Variants in TMCC1 observed in about 807,000 individuals in gnomAD.
TMCC1 encodes the protein transmembrane and coiled-coil domains protein 1.
A neutral mutation model predicts 52.4 loss-of-function variants in TMCC1; 15 were observed. The observed-to-expected ratio is 0.29, with a 90% CI of 0.19 to 0.44. The LOEUF (loss-of-function observed/expected upper bound fraction) is 0.44, where lower values mean the gene tolerates loss of function less well. TMCC1 is among the 20% of genes least tolerant of loss of function. The probability of loss-of-function intolerance (pLI) is 1.00; values close to 1 mark genes in which losing one functional copy is unlikely to be tolerated. For synonymous variants in TMCC1, 279 were observed against 301.9 expected (o/e 0.92, Z 0.79); for missense variants, 503 against 806.0 (o/e 0.62, Z 4.55).
Position 129,712,001 on chromosome 3 carries a change from C to CAAAAAA in TMCC1, c.577-40743_577-40738dup, listed in dbSNP as rs71155567. Reference sequence around the variant, plus strand: ...TGGGCGACAGAGTGAGACTCTGTCTCAAAAAAAAAAAAAAAAAAAAAAAAA... The same window carrying CAAAAAA: ...TGGGCGACAGAGTGAGACTCTGTCTCAAAAAAAAAAAAAAAAAAAAAAAAAAAAAAA... On this transcript the variant is annotated intron_variant, in intron 4 of 6. Transcript: ENST00000393238. Among the ~76,000 whole-genome samples, 124 of 47,716 alleles carry CAAAAAA rather than the reference C, an allele frequency of 2.6e-3. 13 individuals are homozygous for CAAAAAA. Among genetic ancestry groups the CAAAAAA allele is most frequent in the African/African-American group, 0.012 (112 of 9,490 alleles). 31.3% of individuals were successfully genotyped at this position (47,716 alleles called of 152,430 possible).
intron 2 of TMCC1, among the ~76,000 whole-genome samples, chr3:129,850,026 T>C (rs1265940028): frequency 6.6e-6 from 1 of 152,164 alleles, no homozygotes; most frequent in African/African-American, 2.4e-5. Flanking sequence ...TGAAAACTGT[T>C]AGTATTTTAC....
intron 4 of TMCC1, among the ~76,000 whole-genome samples, chr3:129,812,704 G>GA (rs768168869): frequency 2.0e-5 from 3 of 152,126 alleles, no homozygotes; most frequent in Admixed American, 2.0e-4. Context: ...AATCTAAAAT[G>GA]AAAAACTATA....
rs1365462324 is a variant in TMCC1 at position 129,883,128 on chromosome 3, AAAAC to A, written c.-434-2573_-434-2570del. On this transcript the variant is annotated intron_variant, in intron 1 of 6. Transcript: ENST00000393238. ...ACGTGGTGAAACCCTGCCTCTACTA[AAAAC>A]ACACACACACACACACACACACACA... Among the ~76,000 whole-genome samples the A allele has an allele frequency of 1.0e-4, 14 of 134,478 alleles. No individual in the cohort carries two copies. In the East Asian group the frequency reaches 1.9e-3, roughly 19 times the overall value. 88.2% of individuals were successfully genotyped at this position (134,478 alleles called of 152,430 possible). A position where few individuals can be genotyped will look rare whatever the true frequency, so the allele number is the denominator to read the frequency against.
At chr3:129,851,167 A>C (rs2059901358) in intron 2 of TMCC1, among the ~76,000 whole-genome samples, 1 of 152,206 alleles carries the variant, frequency 6.6e-6, no homozygotes, top group African/African-American at 2.4e-5. Flanking sequence ...GCACATAAAT[A>C]AATCAGTACA....
In TMCC1 at chr3:129,795,826, C is replaced by CAGGGA. The variant is rs1269155325; in HGVS notation, c.576+31976_576+31977insTCCCT. On this transcript the variant is annotated intron_variant, in intron 4 of 6. Transcript: ENST00000393238. ...AGCCTATCCAGCCCTGGCTCCCACC[C>CAGGGA]GCTAGTCACTGAGTAAGCGATTTGG... Among the ~76,000 whole-genome samples, 5 of 152,282 alleles carry CAGGGA rather than the reference C, an allele frequency of 3.3e-5. No homozygotes were observed. In the East Asian group the frequency reaches 7.7e-4, roughly 24 times the overall value.
chr3:129,769,540 T>A (rs1170150635), intron 4 of TMCC1, among the ~76,000 whole-genome samples: 2 of 298 alleles, frequency 6.7e-3, no homozygotes, highest in South Asian at 0.5. Flanking sequence ...CATTATGAGA[T>A]TTTTTTTTTT....
intron 6 of TMCC1, among the ~76,000 whole-genome samples, chr3:129,652,750 C>A (rs986849745): frequency 1.3e-5 from 2 of 152,228 alleles, no homozygotes; most frequent in Non-Finnish European, 2.9e-5. Flanking sequence ...TTTCAACCGA[C>A]TGCCAGCTAA....
chr3:129,693,503 ATTT>A (rs11433105), intron 4 of TMCC1, among the ~76,000 whole-genome samples: 4 of 122,008 alleles, frequency 3.3e-5, no homozygotes, highest in Admixed American at 9.3e-5. Flanking sequence ...CCAAGATTGA[ATTT>A]TTTTTTTTTT....
At chr3:129,686,917 G>C (rs1320754499) in intron 4 of TMCC1, among the ~76,000 whole-genome samples, 2 of 152,158 alleles carry the variant, frequency 1.3e-5, no homozygotes, top group East Asian at 1.9e-4. Flanking sequence ...TATCATAATT[G>C]AGATGAAAAC....
chr3:129,883,183 A>G (rs1279306300), intron 1 of TMCC1, among the ~76,000 whole-genome samples: 5 of 152,020 alleles, frequency 3.3e-5, no homozygotes, highest in Admixed American at 2.0e-4. Flanking sequence ...ATGGTGGCAC[A>G]TGCCTGTAAT....
chr3:129,813,489 A>G (rs2057934966), intron 4 of TMCC1, among the ~76,000 whole-genome samples: 1 of 152,152 alleles, frequency 6.6e-6, no homozygotes, highest in Non-Finnish European at 1.5e-5. Flanking sequence ...TAAAAAAATA[A>G]TGAGATCATG....
rs1560352767 is a variant in TMCC1, at chr3:129,760,436, T to TGTGTG, written c.576+67366_576+67367insCACAC. On this transcript the variant is annotated intron_variant, in intron 4 of 6. Transcript: ENST00000393238. ...TGTGTGTGTGTGTGTGTGTGTGTGT[T>TGTGTG]TTTGAGACAGTCTCGCTCTGTGTGT... Among the ~76,000 whole-genome samples, 196 of 113,970 alleles carry TGTGTG rather than the reference T, an allele frequency of 1.7e-3. 4 individuals are homozygous for TGTGTG. The East Asian group carries it at 0.05, about 29-fold the overall frequency. 74.8% of individuals were successfully genotyped at this position (113,970 alleles called of 152,430 possible). A position where few individuals can be genotyped will look rare whatever the true frequency, so the allele number is the denominator to read the frequency against.
chr3:129,855,398 T>G (rs2060107836), intron 2 of TMCC1, among the ~76,000 whole-genome samples: 1 of 152,066 alleles, frequency 6.6e-6, no homozygotes, highest in South Asian at 2.1e-4. Flanking sequence ...TCTGAACCTC[T>G]TACTCAACTT....
At chr3:129,713,067 G>C (rs1260295339) in intron 4 of TMCC1, among the ~76,000 whole-genome samples, 2 of 151,636 alleles carry the variant, frequency 1.3e-5, no homozygotes, top group Non-Finnish European at 2.9e-5. Flanking sequence ...TTCGAGAGCA[G>C]ACTGGGCAAC....
intron 4 of TMCC1, among the ~76,000 whole-genome samples, chr3:129,814,052 C>T (rs2811348): frequency 0.99 from 149,423 of 151,562 alleles, 73,692 homozygotes; most frequent in East Asian, 1. Flanking sequence ...ACTATTTATA[C>T]ATTTATTCTC....
At chr3:129,703,343 A>G (rs550510434) in intron 4 of TMCC1, among the ~76,000 whole-genome samples, 91 of 152,352 alleles carry the variant, frequency 6.0e-4, no homozygotes, top group African/African-American at 2.1e-3. Flanking sequence ...AAGCATCCAA[A>G]TGGCCAATTT....
chr3:129,725,403 G>A (rs575511421), intron 4 of TMCC1, among the ~76,000 whole-genome samples: 10 of 152,122 alleles, frequency 6.6e-5, no homozygotes, highest in East Asian at 1.9e-4. Context: ...GCCACTGTGC[G>A]CGGCCTAATC....
Position 129,866,454 on chromosome 3 carries a change from C to T in TMCC1, c.-184+13855G>A, listed in dbSNP as rs1243435984. 7.4e-5 allele frequency among the ~76,000 whole-genome samples: 11 copies of T among 148,114 alleles called. No homozygotes were observed. In the South Asian group the frequency reaches 2.1e-3, roughly 28 times the overall value. ...GTGCAATGGCTCGATCTCAGCTCAC[C>T]GCAACCTCTGCCTCCCGGGTTCAAG... On this transcript the variant is annotated intron_variant, in intron 2 of 6. Transcript: ENST00000393238.
chr3:129,800,980 GT>G (rs1049330600), intron 4 of TMCC1, among the ~76,000 whole-genome samples: 37 of 135,084 alleles, frequency 2.7e-4, no homozygotes, highest in African/African-American at 1.0e-3. Flanking sequence ...CTGGAATGCA[GT>G]GGCGCGATCT....
Sources: gnomAD v4.1 joint callset for allele counts (sites outside exome capture counted in the v4.1 genomes callset) on GRCh38, gnomAD v4.1.1 for gene constraint, MANE v1.5 for transcripts, NCBI Gene and HGNC (gene_info 2026-07-23, HGNC 2026-07-21) for gene names.